The following SEC22B variants were observed in gnomAD, a reference collection of about 807,000 sequenced individuals.
SEC22B encodes the protein SEC22 homolog B, vesicle trafficking protein.
A neutral mutation model predicts 31.4 loss-of-function variants in SEC22B; 10 were observed. The observed-to-expected ratio is 0.32, with a 90% CI of 0.20 to 0.54. The LOEUF (loss-of-function observed/expected upper bound fraction) is 0.54, where lower values mean the gene tolerates loss of function less well. Ranked by LOEUF, SEC22B falls within the 20% of genes least tolerant of loss-of-function variation. SEC22B has a pLI of 0.94. For synonymous variants in SEC22B, 60 were observed against 95.9 expected, an observed-to-expected ratio of 0.63 and a Z score of 2.19; for missense variants, 130 against 263.4, an observed-to-expected ratio of 0.49 and a Z score of 3.50.
chr1:120,157,219 T>C, intron 4 of SEC22B, 27 bp from the exon 5 acceptor site: 4 of 1,342,170 alleles, frequency 3.0e-6, no homozygotes, highest in Non-Finnish European at 3.0e-6. Context: ...AAGGAAAACA[T>C]TAATTAGTCC....
At position 120,151,676 on chromosome 1, in the gene SEC22B, A is replaced by C. The variant is rs587713444; in HGVS notation, c.*5362T>G. The C allele has an allele frequency of 2.0e-5, 3 of 151,562 alleles. No homozygotes were observed. The highest frequency in any genetic ancestry group is 6.6e-5 in the Admixed American group (1 of 15,238). 9.4% of individuals were successfully genotyped at this position (151,562 alleles called of 1,614,324 possible). Reference sequence around the variant, plus strand: ...GCAAGACTAAAAATAAAAATGAAAAAATTATTATCCATGGTATTATCATGG... The same window carrying C: ...GCAAGACTAAAAATAAAAATGAAAACATTATTATCCATGGTATTATCATGG... On this transcript the variant is annotated 3_prime_UTR_variant, in exon 5 of 5. Transcript: ENST00000578049.
Position 120,176,397 on chromosome 1 carries a change from G to T in SEC22B, c.-16C>A. 1 of 1,613,080 alleles carries T rather than the reference G, an allele frequency of 6.2e-7. No individual in the cohort carries two copies. The highest frequency in any genetic ancestry group is 1.1e-5 in the South Asian group (1 of 90,986). On this transcript the variant is annotated 5_prime_UTR_variant, in exon 1 of 5. Coordinates refer to ENST00000578049, the MANE Select transcript of SEC22B (RefSeq NM_004892.6). The stretch of plus-strand genomic sequence containing the variant: ...GCAACACCATCTTCACAAACTACAG[G>T]GATCCAACACTGGCCCGGAAGGCCC...
At chr1:120,171,156 G>C (rs1321506988) in intron 1 of SEC22B, among the ~76,000 whole-genome samples, 2 of 132,944 alleles carry the variant, frequency 1.5e-5, no homozygotes, top group African/African-American at 7.6e-5. Flanking sequence ...AATTAAGTCA[G>C]CATCTCGGAG....
intron 2 of SEC22B, among the ~76,000 whole-genome samples, chr1:120,167,938 T>C (rs1465725361): frequency 5.9e-5 from 9 of 152,030 alleles, no homozygotes; most frequent in Non-Finnish European, 8.8e-5. Flanking sequence ...ATTTCAGATA[T>C]TATAAAAATT....
chr1:120,152,255 C>T lies in SEC22B; in HGVS notation c.*4783G>A, dbSNP rs1553228849. The T allele has an allele frequency of 6.7e-6, 1 of 150,024 alleles. No homozygotes were observed. Among genetic ancestry groups the T allele is most frequent in the Non-Finnish European group, 1.5e-5 (1 of 67,692 alleles). 9.3% of individuals were successfully genotyped at this position (150,024 alleles called of 1,614,324 possible). ...GCATATCTTCTTTGGCTAACATATG[C>T]AGACTAAAATGAAAGAGTATAGTAT... On this transcript the variant is annotated 3_prime_UTR_variant, in exon 5 of 5. Coordinates refer to ENST00000578049, the MANE Select transcript of SEC22B (RefSeq NM_004892.6).
chr1:120,151,934 T>A lies in SEC22B; in HGVS notation c.*5104A>T, dbSNP rs1570862370. 4 of 152,116 alleles carry A rather than the reference T, an allele frequency of 2.6e-5. No individual in the cohort carries two copies. The highest frequency in any genetic ancestry group is 2.6e-4 in the Admixed American group (4 of 15,274). 9.4% of individuals were successfully genotyped at this position (152,116 alleles called of 1,614,324 possible). A position where few individuals can be genotyped will look rare whatever the true frequency, so the allele number is the denominator to read the frequency against. ...GTGACTTGTAGCTCAGGTAAAGGGG[T>A]GGCAGGTGACGCTTAAATACTAGAA... On this transcript the variant is annotated 3_prime_UTR_variant, in exon 5 of 5. Coordinates refer to ENST00000578049, the MANE Select transcript of SEC22B (RefSeq NM_004892.6).
At chr1:120,170,943 A>C (rs1231519214) in intron 1 of SEC22B, among the ~76,000 whole-genome samples, 5 of 126,790 alleles carry the variant, frequency 3.9e-5, no homozygotes, top group Non-Finnish European at 7.6e-5. Context: ...AAATTTCTTT[A>C]ATTTAATAAA....
chr1:120,157,955 ATGT>A (rs1216452808), intron 4 of SEC22B: 1 of 138,956 alleles, frequency 7.2e-6, no homozygotes, highest in Non-Finnish European at 1.5e-5. Flanking sequence ...GACATTTGTA[ATGT>A]TGTTATCTTC....
chr1:120,166,433 T>C (rs1428709841), intron 2 of SEC22B, among the ~76,000 whole-genome samples: 1 of 131,448 alleles, frequency 7.6e-6, no homozygotes, highest in Non-Finnish European at 1.7e-5. Context: ...ACACACACCA[T>C]GGAATACTAT....
chr1:120,176,179 G>T (rs780293499), intron 1 of SEC22B, 128 bp downstream of exon 1: 5 of 736,970 alleles, frequency 6.8e-6, no homozygotes, highest in South Asian at 1.7e-5. Flanking sequence ...AGATAAAAGC[G>T]CACTTCAGAG....
At chr1:120,175,476 TA>T (rs1657943400) in intron 1 of SEC22B, among the ~76,000 whole-genome samples, 1 of 150,850 alleles carries the variant, frequency 6.6e-6, no homozygotes, top group Admixed American at 6.6e-5. Context: ...ACAAATTATA[TA>T]AATTCCATTC....
intron 3 of SEC22B, among the ~76,000 whole-genome samples, chr1:120,162,951 A>C (rs1657743030): frequency 6.6e-6 from 1 of 152,184 alleles, no homozygotes; most frequent in African/African-American, 2.4e-5. Context: ...TCTAAAGAAG[A>C]ATCAAACCAA....
At chr1:120,159,739 A>G (rs1297748732) in intron 4 of SEC22B, among the ~76,000 whole-genome samples, 1 of 152,230 alleles carries the variant, frequency 6.6e-6, no homozygotes, top group African/African-American at 2.4e-5. Context: ...GTTCTTATGG[A>G]GGTCTTACAG....
chr1:120,163,762 G>C (rs2101128995), intron 2 of SEC22B, among the ~76,000 whole-genome samples: 1 of 151,396 alleles, frequency 6.6e-6, no homozygotes, highest in East Asian at 1.9e-4. Flanking sequence ...TTTTAGTAGA[G>C]ACGGGGTTTC....
chr1:120,156,958 A>T lies in SEC22B; in HGVS notation c.*80T>A, dbSNP rs1657637803. The T allele has an allele frequency of 7.4e-6, 4 of 543,458 alleles. No homozygotes were observed. The highest frequency in any genetic ancestry group is 1.2e-5 in the Non-Finnish European group (4 of 335,612). The allele number at this position is 543,458 out of a possible 1,614,324, so 33.7% of individuals were successfully genotyped here. ...AAGTTCCACTTGGATTCTAATACAC[A>T]TCTCTGTGAGCTCAGTTTCCTGAAA... is the stretch of plus-strand genomic sequence containing the variant. On this transcript the variant is annotated 3_prime_UTR_variant, in exon 5 of 5. Transcript: ENST00000578049.
intron 4 of SEC22B, among the ~76,000 whole-genome samples, chr1:120,159,811 A>G (rs1248319467): frequency 1.3e-5 from 2 of 152,118 alleles, no homozygotes. Flanking sequence ...GTGTGGCTAC[A>G]GAAGAATGTT....
At chr1:120,157,651 C>T (rs1438160795) in intron 4 of SEC22B, 1 of 141,872 alleles carries the variant, frequency 7.0e-6, no homozygotes, top group Non-Finnish European at 1.5e-5. Flanking sequence ...TTCTAATGGT[C>T]TGAATCATAT....
intron 3 of SEC22B, among the ~76,000 whole-genome samples, chr1:120,161,433 G>A (rs1260877062): frequency 1.1e-4 from 16 of 151,516 alleles, no homozygotes; most frequent in South Asian, 2.1e-4. Flanking sequence ...TGTCTCACAC[G>A]TATAAATCCC....
chr1:120,163,814 G>A (rs1473233879), intron 2 of SEC22B, among the ~76,000 whole-genome samples: 2 of 151,108 alleles, frequency 1.3e-5, no homozygotes, highest in Non-Finnish European at 3.0e-5. Context: ...TCTTGACCTC[G>A]TGATCCGCCC....
Sources: gnomAD v4.1 joint callset for allele counts (sites outside exome capture counted in the v4.1 genomes callset) on GRCh38, gnomAD v4.1.1 for gene constraint, MANE v1.5 for transcripts, NCBI Gene and HGNC (gene_info 2026-07-23, HGNC 2026-07-21) for gene names.